The following EML4 variants were observed in gnomAD, a reference collection of about 807,000 sequenced individuals.
EML4 encodes the protein echinoderm microtubule-associated protein-like 4.
In EML4, 72 loss-of-function variants were observed where a neutral mutation model predicts 129.0. The observed-to-expected ratio is 0.56, with a 90% confidence interval of 0.46 to 0.68. The LOEUF (loss-of-function observed/expected upper bound fraction) is 0.68, where lower values mean the gene tolerates loss of function less well. Among genes scored for constraint, EML4 ranks in the 30% least tolerant of loss-of-function variants. The pLI is 0.00. For missense variants in EML4, 1,363 were observed against 1,190.6 expected, an observed-to-expected ratio of 1.14 and a Z score of -2.13; for synonymous variants, 532 against 405.0, an observed-to-expected ratio of 1.31 and a Z score of -3.77.
At chr2:42,221,209 G>A (rs1009800382) in intron 1 of EML4, among the ~76,000 whole-genome samples, 4 of 152,042 alleles carry the variant, frequency 2.6e-5, no homozygotes, top group Non-Finnish European at 5.9e-5. Context: ...GAGAAGAGAA[G>A]CCAATGCCTG....
At chr2:42,276,362 G>C (rs1302779850) in intron 6 of EML4, among the ~76,000 whole-genome samples, 1 of 152,126 alleles carries the variant, frequency 6.6e-6, no homozygotes, top group East Asian at 1.9e-4. Flanking sequence ...CCCTCGCTGA[G>C]ATGGGGTATG....
intron 1 of EML4, among the ~76,000 whole-genome samples, chr2:42,235,677 G>T (rs535438685): frequency 2.6e-5 from 4 of 152,100 alleles, no homozygotes; most frequent in African/African-American, 9.6e-5. Context: ...TTCTTGGGAT[G>T]ATATTATATC....
chr2:42,210,085 T>G (rs1227807723), intron 1 of EML4, among the ~76,000 whole-genome samples: 3 of 152,186 alleles, frequency 2.0e-5, no homozygotes, highest in Non-Finnish European at 4.4e-5. Flanking sequence ...TATGGTACAT[T>G]ATAATTTAAA....
At chr2:42,251,270 A>G (rs1371256344) in intron 2 of EML4, among the ~76,000 whole-genome samples, 1 of 152,216 alleles carries the variant, frequency 6.6e-6, no homozygotes, top group Non-Finnish European at 1.5e-5. Flanking sequence ...CATAGAAAAG[A>G]TATGGTAAAA....
intron 17 of EML4, among the ~76,000 whole-genome samples, chr2:42,304,800 A>T (rs1190294705): frequency 6.6e-6 from 1 of 152,190 alleles, no homozygotes. Flanking sequence ...TGTCCTGTGA[A>T]GCCTACATTT....
At chr2:42,189,760 T>A (rs1671474465) in intron 1 of EML4, among the ~76,000 whole-genome samples, 1 of 152,230 alleles carries the variant, frequency 6.6e-6, no homozygotes, top group South Asian at 2.1e-4. Context: ...GTCATGCCTT[T>A]CAAAATACGG....
In EML4 at chr2:42,325,496, C is replaced by G. The variant is rs1482368680; in HGVS notation, c.2184C>G (p.Asp728Glu). 6.3e-7 allele frequency: 1 copy of G among 1,580,944 alleles called. No individual in the cohort carries two copies. Among genetic ancestry groups the G allele is most frequent in the Non-Finnish European group, 8.7e-7 (1 of 1,155,426 alleles). ...ATTCCAGCTACATCACACACCTTGACTGGTCCCCAGACAACAAGTATATAA... is the reference window on the plus strand; with the variant it reads ...ATTCCAGCTACATCACACACCTTGAGTGGTCCCCAGACAACAAGTATATAA... ...TGHSSYITHL[D>E]WSPDNKYIMS... Residue 728 changes from aspartate to glutamate, a missense_variant, in exon 20 of 23, where the codon GAC (aspartate) becomes GAG (glutamate). Coordinates refer to ENST00000318522, the MANE Select transcript of EML4 (RefSeq NM_019063.5).
At chr2:42,314,906 G>C (rs1191693102) in intron 17 of EML4, among the ~76,000 whole-genome samples, 1 of 152,134 alleles carries the variant, frequency 6.6e-6, no homozygotes, top group African/African-American at 2.4e-5. Flanking sequence ...AATGTAGTTG[G>C]ATTTAAGTCG....
intron 1 of EML4, among the ~76,000 whole-genome samples, chr2:42,184,815 A>G (rs1004654964): frequency 6.6e-6 from 1 of 152,072 alleles, no homozygotes; most frequent in Non-Finnish European, 1.5e-5. Flanking sequence ...ATAGCCCTTT[A>G]AGTATTTCAT....
chr2:42,180,142 A>C (rs533317113), intron 1 of EML4, among the ~76,000 whole-genome samples: 1 of 152,330 alleles, frequency 6.6e-6, no homozygotes, highest in East Asian at 1.9e-4. Context: ...TATACTTCAT[A>C]GTATGGCATT....
chr2:42,260,385 C>T (rs1175581842), intron 3 of EML4, among the ~76,000 whole-genome samples: 1 of 152,168 alleles, frequency 6.6e-6, no homozygotes, highest in Non-Finnish European at 1.5e-5. Flanking sequence ...CTGGGCTGGT[C>T]TTGAATTCCT....
At chr2:42,284,603 G>A (rs762160651) in intron 8 of EML4, 31 bp from the exon 9 acceptor site, 2 of 1,545,628 alleles carry the variant, frequency 1.3e-6, no homozygotes, top group Admixed American at 3.5e-5. Context: ...TGTTTCCTGT[G>A]TTTAAAATCA....
intron 19 of EML4, chr2:42,325,245 A>C: frequency 1.7e-6 from 1 of 598,342 alleles, no homozygotes; most frequent in African/African-American, 1.8e-5. Context: ...TACAGGTAGT[A>C]GGTGCTAGTT....
At chr2:42,298,418 A>G (rs933923481) in intron 13 of EML4, among the ~76,000 whole-genome samples, 2 of 152,108 alleles carry the variant, frequency 1.3e-5, no homozygotes, top group Non-Finnish European at 2.9e-5. Flanking sequence ...ATTCAAGGAT[A>G]ATTATTTTCC....
intron 5 of EML4, 88 bp from the exon 6 acceptor site, chr2:42,264,618 T>C (rs1558554729): frequency 2.6e-6 from 2 of 780,738 alleles, no homozygotes; most frequent in Non-Finnish European, 4.3e-6. Flanking sequence ...AGCCTAAGCA[T>C]TAAAACTTTT....
chr2:42,245,720 C>A lies in EML4; in HGVS notation c.208+33C>A, dbSNP rs769216075. The A allele has an allele frequency of 2.4e-5, 36 of 1,516,460 alleles. 1 individual carries two copies. In the East Asian group the frequency reaches 8.2e-4, roughly 34 times the overall value. 93.9% of individuals were successfully genotyped at this position (1,516,460 alleles called of 1,614,324 possible). A position where few individuals can be genotyped will look rare whatever the true frequency, so the allele number is the denominator to read the frequency against. Reference sequence around the variant, plus strand: ...TGTTGTAAAGTTAAAAAGAGTCTTGCTTTTTGCAATATTTTCTTTGAAAGT... The same window carrying A: ...TGTTGTAAAGTTAAAAAGAGTCTTGATTTTTGCAATATTTTCTTTGAAAGT... On this transcript the variant is annotated intron_variant, in intron 2 of 22. Coordinates refer to ENST00000318522, the MANE Select transcript of EML4 (RefSeq NM_019063.5).
At chr2:42,312,265 C>CA (rs994672046) in intron 17 of EML4, among the ~76,000 whole-genome samples, 1 of 117,662 alleles carries the variant, frequency 8.5e-6, no homozygotes, top group South Asian at 3.5e-4. Context: ...AAATTCTAAG[C>CA]CCCCCCCCAC....
At chr2:42,329,667 C>A in intron 22 of EML4, 67 bp from the exon 23 acceptor site, 4 of 1,359,294 alleles carry the variant, frequency 2.9e-6, no homozygotes, top group Non-Finnish European at 4.1e-6. Context: ...CGTATCACCT[C>A]CATTTCTGAA....
At chr2:42,169,953 C>G in intron 1 of EML4, 1 of 311,964 alleles carries the variant, frequency 3.2e-6, no homozygotes, top group Non-Finnish European at 6.0e-6. Context: ...CGTACACTCA[C>G]GGCTCCCTCC....
Sources: gnomAD v4.1 joint callset for allele counts (sites outside exome capture counted in the v4.1 genomes callset) on GRCh38, gnomAD v4.1.1 for gene constraint, MANE v1.5 for transcripts, NCBI Gene and HGNC (gene_info 2026-07-23, HGNC 2026-07-21) for gene names.